The following GHDC variants were observed in gnomAD, a reference collection of about 807,000 sequenced individuals.
GHDC encodes the protein GH3 domain containing, also known as GH3 domain-containing protein.
GHDC carries 39 observed loss-of-function variants against 51.5 expected under a neutral mutation model. The ratio of observed to expected loss-of-function variants is 0.76; its 90% CI spans 0.59 to 0.99. The LOEUF is 0.99. GHDC is among the 50% of genes least tolerant of loss of function. The pLI is 0.00. For synonymous variants in GHDC, 282 were observed against 305.2 expected, an observed-to-expected ratio of 0.92 and a Z score of 0.79; for missense variants, 610 against 672.8, an observed-to-expected ratio of 0.91 and a Z score of 1.03.
Position 42,189,415 on chromosome 17 carries a change from CTG to C in GHDC, c.*286_*287del. 1 of 393,356 alleles carries C rather than the reference CTG, an allele frequency of 2.5e-6. No individual in the cohort carries two copies. The highest frequency in any genetic ancestry group is 3.6e-5 in the East Asian group (1 of 27,546). 24.4% of individuals were successfully genotyped at this position (393,356 alleles called of 1,614,324 possible). A position where few individuals can be genotyped will look rare whatever the true frequency, so the allele number is the denominator to read the frequency against. ...GTGGCCACCAGAGAACCTCTTTGGG[CTG>C]TGATACAGGAAACCATCGGTGTGCA... On this transcript the variant is annotated 3_prime_UTR_variant, in exon 10 of 10. Transcript: ENST00000587427.
rs747543747 is a variant in GHDC at position 42,193,541 on chromosome 17, GGCAGCAGCAGCA to G, written c.29_40del (p.Leu10_Leu13del). ...CTGCTGCCTGAGCAGGGCCAATGTT[GGCAGCAGCAGCA>G]GCAGCAGCAGCAGTGGCCACAGCAG... On this transcript the variant is annotated inframe_deletion, in exon 3 of 10. Transcript: ENST00000587427. The G allele has an allele frequency of 3.2e-6, 5 of 1,543,086 alleles. No homozygotes were observed. Among genetic ancestry groups the G allele is most frequent in the Admixed American group, 3.9e-5 (2 of 50,918 alleles).
At chr17:42,190,516 A>T (rs1258305948) in intron 8 of GHDC, 108 bp downstream of exon 8, 1 of 1,438,434 alleles carries the variant, frequency 7.0e-7, no homozygotes, top group South Asian at 1.4e-5. Context: ...GGACTTTTGT[A>T]GGAGTAGTAA....
At chr17:42,191,319 G>T (rs372667030) in intron 5 of GHDC, 109 bp from the exon 6 acceptor site, 31 of 1,090,156 alleles carry the variant, frequency 2.8e-5, no homozygotes, top group African/African-American at 2.5e-4. Flanking sequence ...TGATCCTCCT[G>T]CTGCCCTTCC....
At chr17:42,192,860 G>GGGACTGGGCTGTGGCCA (rs1248740142) in intron 4 of GHDC, 46 bp downstream of exon 4, 2 of 1,597,576 alleles carry the variant, frequency 1.3e-6, no homozygotes, top group East Asian at 2.2e-5. Context: ...GGTCTCTGGT[G>GGGACTGGGCTGTGGCCA]GGACTGGGCT....
Position 42,190,176 on chromosome 17 carries a change from C to A in GHDC, c.1374+9G>T, listed in dbSNP as rs1428448549. On this transcript the variant is annotated intron_variant, in intron 9 of 9. Coordinates refer to ENST00000587427, the MANE Select transcript of GHDC (RefSeq NM_032484.5). Reference sequence around the variant, plus strand: ...GTCTACAGTCAGACCCTGTCCTCGTCTCCTTTACCTTGTCTCGATTTTCCT... The same window carrying A: ...GTCTACAGTCAGACCCTGTCCTCGTATCCTTTACCTTGTCTCGATTTTCCT... 6.2e-7 allele frequency: 1 copy of A among 1,612,132 alleles called. No homozygotes were observed. The highest frequency in any genetic ancestry group is 8.5e-7 in the Non-Finnish European group (1 of 1,178,928).
chr17:42,189,949 GGTGT>G (rs1405404149), intron 9 of GHDC, 28 bp from the exon 10 acceptor site: 6 of 1,484,644 alleles, frequency 4.0e-6, no homozygotes, highest in Non-Finnish European at 5.4e-6. Flanking sequence ...TGAGTGAGCT[GGTGT>G]GTGACTGTGA....
chr17:42,193,132 G>T (rs2079982885), intron 3 of GHDC, 105 bp from the exon 4 acceptor site: 1 of 1,568,824 alleles, frequency 6.4e-7, no homozygotes, highest in Admixed American at 1.8e-5. Context: ...TAGGCCTGGG[G>T]TAGAGAGGAT....
At position 42,189,140 on chromosome 17, in the gene GHDC, A is replaced by C. The variant is rs2079947487; in HGVS notation, c.*563T>G. On this transcript the variant is annotated 3_prime_UTR_variant, in exon 10 of 10. Transcript: ENST00000587427. ...CATCCCAGGAAGCCCAAGGCGGGGG[A>C]GTGGGGAAGAGAGGGAAGGGAGAGC... 2.5e-6 allele frequency: 1 copy of C among 398,402 alleles called. No homozygotes were observed. The highest frequency in any genetic ancestry group is 3.6e-5 in the East Asian group (1 of 28,066). The allele number at this position is 398,402 out of a possible 1,614,324, so 24.7% of individuals were successfully genotyped here. A position where few individuals can be genotyped will look rare whatever the true frequency, so the allele number is the denominator to read the frequency against.
At chr17:42,190,951 C>T (rs762679467) in intron 6 of GHDC, 48 bp from the exon 7 acceptor site, 16 of 1,579,354 alleles carry the variant, frequency 1.0e-5, no homozygotes, top group Non-Finnish European at 1.4e-5. Context: ...GTCTTCTGAG[C>T]TCATGCCCCA....
In GHDC at chr17:42,191,062, G is replaced by T. The variant is rs201515779; in HGVS notation, c.1038C>A (p.Gly346=). ...STLLLAEAQQ[G]KEYELVLTDR... is the part of the protein sequence containing the mutation. ...CCGTCAGCACCAGCTCATACTCCTT[G>T]CCCTGCTGGGCCTCGGCCAAAAGGA... The change falls in exon 6 of 10, where the codon GGC becomes GGA. Residue 346 remains glycine, a synonymous_variant. Transcript: ENST00000587427. The T allele has an allele frequency of 3.9e-5, 62 of 1,583,036 alleles. No homozygotes were observed. Among genetic ancestry groups the T allele is most frequent in the Non-Finnish European group, 5.0e-5 (58 of 1,165,930 alleles).
At chr17:42,191,758 CTT>C (rs71357532) in intron 5 of GHDC, among the ~76,000 whole-genome samples, 19 of 101,060 alleles carry the variant, frequency 1.9e-4, no homozygotes, top group Non-Finnish European at 1.9e-4. Flanking sequence ...CTGCCCCGGC[CTT>C]TTTTTTTTTT....
rs1003328200 is a variant in GHDC at position 42,193,249 on chromosome 17, C to G, written c.265+68G>C. 24 of 1,522,730 alleles carry G rather than the reference C, an allele frequency of 1.6e-5. No individual in the cohort carries two copies. The Admixed American group carries it at 2.8e-4, about 18-fold the overall frequency. 94.3% of individuals were successfully genotyped at this position (1,522,730 alleles called of 1,614,324 possible). ...GAGGAGGTAAGGGGGCCATCAGGCT[C>G]TGGAATCTGACGGTCCTGTGGGGTT... On this transcript the variant is annotated intron_variant, in intron 3 of 9. Coordinates refer to ENST00000587427, the MANE Select transcript of GHDC (RefSeq NM_032484.5).
At position 42,190,264 on chromosome 17, in the gene GHDC, G is replaced by A. The variant is rs2079957623; in HGVS notation, c.1295C>T (p.Ser432Phe). The change falls in exon 9 of 10, where the codon TCT (serine) becomes TTT (phenylalanine). Residue 432 changes from serine (S) to phenylalanine (F), a missense_variant. Ser to Phe is a radical substitution (Grantham distance 155). This residue lies in a region of GHDC where 412 missense variants were observed against 410.4 expected (regional missense o/e 1.00). Coordinates refer to ENST00000587427, the MANE Select transcript of GHDC (RefSeq NM_032484.5). ...GCVESSILDS[S>F]AGSAPHYEVF... is the part of the protein sequence containing the mutation. Reference sequence around the variant, plus strand: ...CTCGTAGTGGGGAGCAGAGCCCGCAGAGGAATCTGTGAATAGACCCCATGT... The same window carrying A: ...CTCGTAGTGGGGAGCAGAGCCCGCAAAGGAATCTGTGAATAGACCCCATGT... 6.2e-7 allele frequency: 1 copy of A among 1,614,202 alleles called. No individual in the cohort carries two copies. The highest frequency in any genetic ancestry group is 8.5e-7 in the Non-Finnish European group (1 of 1,180,034).
chr17:42,189,134 C>A lies in GHDC; in HGVS notation c.*569G>T. On this transcript the variant is annotated 3_prime_UTR_variant, in exon 10 of 10. Transcript: ENST00000587427. ...GGGAGCCATCCCAGGAAGCCCAAGG[C>A]GGGGGAGTGGGGAAGAGAGGGAAGG... is the stretch of plus-strand genomic sequence containing the variant. The A allele has an allele frequency of 2.5e-6, 1 of 398,594 alleles. No individual in the cohort carries two copies. Among genetic ancestry groups the A allele is most frequent in the Non-Finnish European group, 4.4e-6 (1 of 226,100 alleles). The allele number at this position is 398,594 out of a possible 1,614,324, so 24.7% of individuals were successfully genotyped here.
intron 9 of GHDC, 55 bp from the exon 10 acceptor site, chr17:42,189,976 G>C: frequency 7.2e-7 from 1 of 1,392,940 alleles, no homozygotes; most frequent in Non-Finnish European, 9.7e-7. Context: ...GTGCACACGA[G>C]GCGTGTGTGG....
intron 5 of GHDC, 21 bp from the exon 6 acceptor site, chr17:42,191,231 C>T: frequency 4.0e-6 from 6 of 1,483,106 alleles, no homozygotes; most frequent in Non-Finnish European, 4.5e-6. Flanking sequence ...AAAGCAGCCT[C>T]CTCAGCGTCT....
rs1478551705 is a variant in GHDC at position 42,189,522 on chromosome 17, G to A, written c.*181C>T. ...CTGCTGGCATCTGCTAACCCCGGAG[G>A]CCCATACTTCAGAACCGGTCAGCTG... On this transcript the variant is annotated 3_prime_UTR_variant, in exon 10 of 10. Transcript: ENST00000587427. 1 of 425,910 alleles carries A rather than the reference G, an allele frequency of 2.3e-6. No individual in the cohort carries two copies. The highest frequency in any genetic ancestry group is 4.1e-6 in the Non-Finnish European group (1 of 242,622). 26.4% of individuals were successfully genotyped at this position (425,910 alleles called of 1,614,324 possible).
At chr17:42,191,638 A>T (rs2079969529) in intron 5 of GHDC, among the ~76,000 whole-genome samples, 1 of 151,614 alleles carries the variant, frequency 6.6e-6, no homozygotes, top group African/African-American at 2.4e-5. Flanking sequence ...TTGTATTTTT[A>T]GTAGAGACAG....
Position 42,192,491 on chromosome 17 carries a change from C to T in GHDC, c.639G>A (p.Leu213=), listed in dbSNP as rs568132239. Residue 213 remains leucine, a synonymous_variant, in exon 5 of 10, where the codon CTG becomes CTA. Coordinates refer to ENST00000587427, the MANE Select transcript of GHDC (RefSeq NM_032484.5). ...CAGCTAGCTCTTCACCATCAGTCTC[C>T]AGGCCCAAGAAAACATCCAGAAGTT... ...AVELLDVFLG[L]ETDGEELAGA... The T allele has an allele frequency of 3.7e-6, 6 of 1,613,764 alleles. No individual in the cohort carries two copies. Among genetic ancestry groups the T allele is most frequent in the Admixed American group, 1.7e-5 (1 of 60,028 alleles).
Sources: gnomAD v4.1 joint callset for allele counts (sites outside exome capture counted in the v4.1 genomes callset) on GRCh38, gnomAD v4.1.1 for gene constraint, gnomAD v4.1.1 regional missense constraint, MANE v1.5 for transcripts, NCBI Gene and HGNC (gene_info 2026-07-23, HGNC 2026-07-21) for gene names.